TBC1D1: variants seen among roughly 807,000 people sequenced by gnomAD.
TBC1D1 encodes TBC1 (tre-2/USP6, BUB2, cdc16) domain family, member 1.
TBC1D1 carries 89 observed loss-of-function variants against 125.6 expected under a neutral mutation model. The ratio of observed to expected loss-of-function variants is 0.71; its 90% CI spans 0.60 to 0.85. TBC1D1 has a LOEUF of 0.85. Among genes scored for constraint, TBC1D1 ranks in the 40% least tolerant of loss-of-function variants. TBC1D1 has a pLI of 0.00. For missense variants in TBC1D1, 1,377 were observed against 1,469.2 expected, an observed-to-expected ratio of 0.94 and a Z score of 1.03; for synonymous variants, 565 against 564.1, an observed-to-expected ratio of 1.00 and a Z score of -0.02.
At chr4:38,057,405 G>A (rs1751926962) in intron 12 of TBC1D1, among the ~76,000 whole-genome samples, 2 of 152,094 alleles carry the variant, frequency 1.3e-5, no homozygotes, top group African/African-American at 4.8e-5. Flanking sequence ...GTTCATCTTT[G>A]TCACCCATCT....
chr4:38,001,304 TGGGGTGTTTA>T (rs1367058090), intron 2 of TBC1D1, among the ~76,000 whole-genome samples: 2 of 152,120 alleles, frequency 1.3e-5, no homozygotes, highest in East Asian at 3.9e-4. Flanking sequence ...GAAGGGGTTT[TGGGGTGTTTA>T]GAGCTTCCAT....
chr4:37,942,558 G>A (rs10018279), intron 2 of TBC1D1, among the ~76,000 whole-genome samples: 108,368 of 151,518 alleles, frequency 0.72, 39,000 homozygotes, highest in East Asian at 0.96. Context: ...TTTTTTTTTA[G>A]GACGGAGTCT....
chr4:37,918,550 C>T lies in TBC1D1; in HGVS notation c.417+16038C>T, dbSNP rs1338989978. On this transcript the variant is annotated intron_variant, in intron 2 of 19. Transcript: ENST00000261439. ...GCAACCTCTGCCTCCCAGGTTCAAG[C>T]GATTCTCCTGTCTCAGCCTCCTGAG... 3.3e-5 allele frequency among the ~76,000 whole-genome samples: 5 copies of T among 151,756 alleles called. 1 individual carries two copies. The South Asian group carries it at 8.3e-4, about 25-fold the overall frequency.
At chr4:38,022,557 A>G (rs902503676) in intron 6 of TBC1D1, among the ~76,000 whole-genome samples, 3 of 152,192 alleles carry the variant, frequency 2.0e-5, no homozygotes, top group African/African-American at 7.2e-5. Context: ...TGTCTTTTTC[A>G]GAATTGGAGG....
chr4:38,002,298 C>T (rs1312945959), intron 2 of TBC1D1, among the ~76,000 whole-genome samples: 1 of 152,148 alleles, frequency 6.6e-6, no homozygotes, highest in Non-Finnish European at 1.5e-5. Flanking sequence ...CAGTTCCCAT[C>T]CAAAAATATT....
intron 10 of TBC1D1, among the ~76,000 whole-genome samples, chr4:38,047,006 G>A (rs773620942): frequency 1.3e-5 from 2 of 152,180 alleles, no homozygotes; most frequent in Non-Finnish European, 2.9e-5. Flanking sequence ...ACAGTAAGAA[G>A]CACATTTAAC....
intron 2 of TBC1D1, among the ~76,000 whole-genome samples, chr4:37,940,298 G>C (rs988018109): frequency 6.6e-6 from 1 of 152,180 alleles, no homozygotes; most frequent in East Asian, 1.9e-4. Flanking sequence ...GTGAATGGGA[G>C]TTCACTCATG....
At chr4:38,039,950 G>GTTT (rs113070415) in intron 8 of TBC1D1, among the ~76,000 whole-genome samples, 3 of 145,230 alleles carry the variant, frequency 2.1e-5, no homozygotes, top group African/African-American at 7.5e-5. Context: ...CCCCATCTCT[G>GTTT]TTTTTTTTTT....
intron 10 of TBC1D1, among the ~76,000 whole-genome samples, chr4:38,048,694 C>T (rs1000692235): frequency 6.6e-6 from 1 of 151,804 alleles, no homozygotes. Flanking sequence ...TTTTCTCTTC[C>T]AACAATTTCA....
intron 2 of TBC1D1, among the ~76,000 whole-genome samples, chr4:37,959,593 G>A (rs1383512353): frequency 2.6e-5 from 4 of 152,138 alleles, no homozygotes; most frequent in South Asian, 2.1e-4. Context: ...GCTCAAATAC[G>A]TACGCACATA....
At chr4:38,123,585 A>G (rs1314108626) in intron 17 of TBC1D1, among the ~76,000 whole-genome samples, 1 of 152,342 alleles carries the variant, frequency 6.6e-6, no homozygotes, top group African/African-American at 2.4e-5. Flanking sequence ...AGCCTCAACA[A>G]CCAGACTTAA....
At position 38,051,420 on chromosome 4, in the gene TBC1D1, T is replaced by C. The variant is rs550959045; in HGVS notation, c.1910+1522T>C. On this transcript the variant is annotated intron_variant, in intron 11 of 19. Transcript: ENST00000261439. Reference sequence around the variant, plus strand: ...AAAGTTCAGTTTTTTTTTGCTTTTGTTTATACTTTAATTAAAAATTTTTTT... The same window carrying C: ...AAAGTTCAGTTTTTTTTTGCTTTTGCTTATACTTTAATTAAAAATTTTTTT... Among the ~76,000 whole-genome samples, 116 of 152,296 alleles carry C rather than the reference T, an allele frequency of 7.6e-4. 2 individuals are homozygous for C. The South Asian group carries it at 0.011, about 14-fold the overall frequency.
intron 2 of TBC1D1, among the ~76,000 whole-genome samples, chr4:37,973,960 T>C (rs1465588125): frequency 6.6e-6 from 1 of 152,240 alleles, no homozygotes. Context: ...AACAGCCAGT[T>C]GCTGCTGAGG....
intron 2 of TBC1D1, among the ~76,000 whole-genome samples, chr4:37,943,121 C>G (rs1206127980): frequency 6.6e-6 from 1 of 152,270 alleles, no homozygotes; most frequent in East Asian, 1.9e-4. Context: ...ATATGAAATT[C>G]TGGGTTGAAA....
chr4:38,034,371 C>T (rs1264645776), intron 7 of TBC1D1, among the ~76,000 whole-genome samples: 1 of 152,144 alleles, frequency 6.6e-6, no homozygotes, highest in Non-Finnish European at 1.5e-5. Context: ...ATATTTCAGT[C>T]CGAAATTTGA....
chr4:38,125,222 C>CT, intron 18 of TBC1D1, 91 bp downstream of exon 20: 1 of 1,307,440 alleles, frequency 7.6e-7, no homozygotes, highest in Non-Finnish European at 1.1e-6. Context: ...TTTCCTACCA[C>CT]TTTGTGTTCT....
chr4:37,933,064 C>A (rs28425692), intron 2 of TBC1D1, among the ~76,000 whole-genome samples: 4,857 of 146,952 alleles, frequency 0.033, 304 homozygotes, highest in African/African-American at 0.11. Context: ...AACAAAAAAA[C>A]AAAAAAACAA....
chr4:37,964,065 G>C (rs1480274624), intron 2 of TBC1D1, among the ~76,000 whole-genome samples: 1 of 152,168 alleles, frequency 6.6e-6, no homozygotes, highest in Non-Finnish European at 1.5e-5. Context: ...ACCATAAGAC[G>C]TTCCTGCAGG....
chr4:38,109,379 G>A (rs182192268), intron 15 of TBC1D1, among the ~76,000 whole-genome samples: 15 of 152,212 alleles, frequency 9.9e-5, no homozygotes, highest in Admixed American at 7.2e-4. Context: ...ACTAAATGTC[G>A]TTGATAAAAG....
Sources: gnomAD v4.1 joint callset for allele counts (sites outside exome capture counted in the v4.1 genomes callset) on GRCh38, gnomAD v4.1.1 for gene constraint, MANE v1.5 for transcripts, NCBI Gene and HGNC (gene_info 2026-07-23, HGNC 2026-07-21) for gene names.